NRCAM: variants seen among roughly 807,000 people sequenced by gnomAD.
The protein encoded by NRCAM is NgCAM-related cell adhesion molecule.
NRCAM carries 83 observed loss-of-function variants against 156.5 expected under a neutral mutation model. The observed-to-expected ratio is 0.53, with a 90% CI of 0.44 to 0.64. The LOEUF is 0.64. Among genes scored for constraint, NRCAM ranks in the 30% least tolerant of loss-of-function variants. The probability of loss-of-function intolerance (pLI) is 0.00; values close to 1 mark genes in which losing one functional copy is unlikely to be tolerated. For missense variants in NRCAM, 1,417 were observed against 1,597.3 expected, an observed-to-expected ratio of 0.89 and a Z score of 1.92; for synonymous variants, 538 against 563.9, an observed-to-expected ratio of 0.95 and a Z score of 0.65.
chr7:108,303,754 G>A (rs1164969402), intron 3 of NRCAM, among the ~76,000 whole-genome samples: 1 of 152,022 alleles, frequency 6.6e-6, no homozygotes, highest in Non-Finnish European at 1.5e-5. Context: ...CTCCATGTCT[G>A]CCTGGGGGAT....
intron 1 of NRCAM, among the ~76,000 whole-genome samples, chr7:108,411,591 G>A (rs1795395345): frequency 6.6e-6 from 1 of 152,020 alleles, no homozygotes; most frequent in African/African-American, 2.4e-5. Context: ...GTGCAATGGC[G>A]TGATCTCAGC....
At chr7:108,234,328 A>G (rs555455978) in intron 6 of NRCAM, among the ~76,000 whole-genome samples, 2 of 152,296 alleles carry the variant, frequency 1.3e-5, no homozygotes, top group South Asian at 4.1e-4. Flanking sequence ...AGACAAAACA[A>G]TACACCTACA....
At chr7:108,373,820 G>T (rs186379106) in intron 2 of NRCAM, among the ~76,000 whole-genome samples, 1 of 152,268 alleles carries the variant, frequency 6.6e-6, no homozygotes, top group East Asian at 1.9e-4. Flanking sequence ...TTCCTAAGGG[G>T]TAGGGAATGT....
chr7:108,439,240 T>C (rs76591167), intron 1 of NRCAM, among the ~76,000 whole-genome samples: 9,589 of 152,092 alleles, frequency 0.063, 301 homozygotes, highest in African/African-American at 0.068. Flanking sequence ...AACAACTACA[T>C]TGAACTTAAC....
At chr7:108,369,995 T>C (rs1458180851) in intron 2 of NRCAM, among the ~76,000 whole-genome samples, 1 of 152,142 alleles carries the variant, frequency 6.6e-6, no homozygotes, top group East Asian at 1.9e-4. Flanking sequence ...TAGCAAACTA[T>C]TACGATTAAA....
At chr7:108,428,959 T>G (rs1034406609) in intron 1 of NRCAM, among the ~76,000 whole-genome samples, 3 of 151,894 alleles carry the variant, frequency 2.0e-5, no homozygotes, top group African/African-American at 7.2e-5. Flanking sequence ...TCTTTTTTTT[T>G]TTAAAGGCTT....
chr7:108,240,172 T>C lies in NRCAM; in HGVS notation c.-106-2A>G. 4.4e-6 allele frequency: 3 copies of C among 680,416 alleles called. No individual in the cohort carries two copies. Among genetic ancestry groups the C allele is most frequent in the Non-Finnish European group, 7.8e-6 (3 of 386,318 alleles). 42.1% of individuals were successfully genotyped at this position (680,416 alleles called of 1,614,324 possible). A position where few individuals can be genotyped will look rare whatever the true frequency, so the allele number is the denominator to read the frequency against. ...TTTAAGTAATTTTCATGCGGGAAAC[T>C]GAAAAAGGATAGAGTAGGAATAATA... On this transcript the variant is annotated splice_acceptor_variant, in intron 3 of 32. Coordinates refer to ENST00000379028, the MANE Select transcript of NRCAM (RefSeq NM_001037132.4). LOFTEE classifies it low-confidence loss of function (5UTR_SPLICE).
At chr7:108,334,813 G>T (rs999954968) in intron 2 of NRCAM, among the ~76,000 whole-genome samples, 2 of 152,114 alleles carry the variant, frequency 1.3e-5, no homozygotes, top group African/African-American at 2.4e-5. Context: ...AAATAAAATA[G>T]TATCTAGTAG....
chr7:108,356,780 A>T (rs2099503459), intron 2 of NRCAM, among the ~76,000 whole-genome samples: 1 of 152,202 alleles, frequency 6.6e-6, no homozygotes, highest in Non-Finnish European at 1.5e-5. Flanking sequence ...GAGCTCCTAC[A>T]GAGCCCTCTG....
At chr7:108,356,966 C>A (rs2099507777) in intron 2 of NRCAM, among the ~76,000 whole-genome samples, 1 of 152,130 alleles carries the variant, frequency 6.6e-6, no homozygotes, top group Non-Finnish European at 1.5e-5. Context: ...AGACAATGGA[C>A]CACACTTCTT....
At chr7:108,180,122 G>T in intron 25 of NRCAM, 101 bp downstream of exon 25, 1 of 931,408 alleles carries the variant, frequency 1.1e-6, no homozygotes, top group Non-Finnish European at 1.6e-6. Context: ...AATCACATTT[G>T]GCTTCCAGAA....
intron 3 of NRCAM, among the ~76,000 whole-genome samples, chr7:108,284,914 T>G (rs1442981896): frequency 6.6e-6 from 1 of 152,192 alleles, no homozygotes; most frequent in Admixed American, 6.5e-5. Context: ...TAATTAGCAC[T>G]CCAGCAAATG....
At chr7:108,233,496 T>C (rs920370185) in intron 6 of NRCAM, among the ~76,000 whole-genome samples, 11 of 152,198 alleles carry the variant, frequency 7.2e-5, no homozygotes, top group Admixed American at 1.3e-4. Flanking sequence ...ATATCAACAA[T>C]GCTGAAGAGG....
At chr7:108,448,701 C>T (rs1462573009) in intron 1 of NRCAM, among the ~76,000 whole-genome samples, 1 of 152,134 alleles carries the variant, frequency 6.6e-6, no homozygotes, top group African/African-American at 2.4e-5. Context: ...CAATCAGATG[C>T]TGCCTACCAA....
intron 3 of NRCAM, among the ~76,000 whole-genome samples, chr7:108,289,114 A>G (rs2098202286): frequency 6.6e-6 from 1 of 152,110 alleles, no homozygotes; most frequent in South Asian, 2.1e-4. Flanking sequence ...TAACCATTGG[A>G]AGAGTTGAAA....
chr7:108,249,514 A>T (rs2096201972), intron 3 of NRCAM, among the ~76,000 whole-genome samples: 1 of 151,632 alleles, frequency 6.6e-6, no homozygotes, highest in Non-Finnish European at 1.5e-5. Flanking sequence ...CTGCCTTTAT[A>T]AAAAAAAATA....
intron 3 of NRCAM, among the ~76,000 whole-genome samples, chr7:108,279,564 G>A (rs763393867): frequency 2.0e-5 from 3 of 151,930 alleles, no homozygotes; most frequent in Non-Finnish European, 4.4e-5. Context: ...CGTTACCCAG[G>A]CTGGAGTGCA....
intron 1 of NRCAM, among the ~76,000 whole-genome samples, chr7:108,403,383 A>G (rs1256464315): frequency 6.6e-6 from 1 of 152,218 alleles, no homozygotes; most frequent in African/African-American, 2.4e-5. Flanking sequence ...TAATGCTACT[A>G]ATAAAAAATT....
intron 3 of NRCAM, among the ~76,000 whole-genome samples, chr7:108,308,556 C>T (rs1563202410): frequency 6.6e-6 from 1 of 152,140 alleles, no homozygotes; most frequent in Non-Finnish European, 1.5e-5. Context: ...GGGGGGAACA[C>T]ATAAAAGTTG....
Sources: gnomAD v4.1 joint callset for allele counts (sites outside exome capture counted in the v4.1 genomes callset) on GRCh38, gnomAD v4.1.1 for gene constraint, MANE v1.5 for transcripts, NCBI Gene and HGNC (gene_info 2026-07-23, HGNC 2026-07-21) for gene names.